The following NRXN3 variants were observed in gnomAD, a reference collection of about 807,000 sequenced individuals.
NRXN3 encodes the protein neurexin 3, also known as neurexin III.
A neutral mutation model predicts 137.6 loss-of-function variants in NRXN3; 32 were observed. The observed-to-expected ratio is 0.23, with a 90% CI of 0.18 to 0.31. The LOEUF (loss-of-function observed/expected upper bound fraction) is 0.31, where lower values mean the gene tolerates loss of function less well. Among genes scored for constraint, NRXN3 ranks in the 10% least tolerant of loss-of-function variants. NRXN3 has a pLI of 1.00. For missense variants in NRXN3, 1,574 were observed against 2,062.5 expected (o/e 0.76, Z 4.59); for synonymous variants, 798 against 784.5 (o/e 1.02, Z -0.29).
At chr14:79,193,078 T>A (rs951942625) in intron 15 of NRXN3, among the ~76,000 whole-genome samples, 3 of 152,038 alleles carry the variant, frequency 2.0e-5, no homozygotes, top group African/African-American at 7.2e-5. Context: ...TATGTACAAT[T>A]CTTAAAATAA....
chr14:78,436,272 A>G (rs374008581), intron 4 of NRXN3, among the ~76,000 whole-genome samples: 5 of 152,340 alleles, frequency 3.3e-5, no homozygotes, highest in African/African-American at 1.2e-4. Context: ...ATTAGTAATG[A>G]TGCCAACCGC....
intron 15 of NRXN3, among the ~76,000 whole-genome samples, chr14:79,328,070 G>T (rs2091160413): frequency 6.6e-6 from 1 of 152,088 alleles, no homozygotes; most frequent in Non-Finnish European, 1.5e-5. Context: ...CTACCATGGT[G>T]CACATTTACC....
intron 16 of NRXN3, among the ~76,000 whole-genome samples, chr14:79,624,800 T>G (rs1437341182): frequency 1.1e-4 from 14 of 132,822 alleles, no homozygotes; most frequent in East Asian, 2.1e-4. Context: ...CGTTTTTTTT[T>G]TTGTTTGTTT....
intron 4 of NRXN3, among the ~76,000 whole-genome samples, chr14:78,494,959 T>G (rs187729934): frequency 6.6e-6 from 1 of 152,172 alleles, no homozygotes; most frequent in Admixed American, 6.5e-5. Context: ...AGTAACTCAC[T>G]CTGAAGAAAA....
intron 15 of NRXN3, among the ~76,000 whole-genome samples, chr14:79,203,922 G>T (rs1444420281): frequency 2.6e-5 from 4 of 152,106 alleles, no homozygotes; most frequent in Admixed American, 6.6e-5. Context: ...GAGAGAAAAA[G>T]CTCTGGTTTG....
At chr14:78,387,153 G>A (rs968892728) in intron 4 of NRXN3, among the ~76,000 whole-genome samples, 2 of 152,030 alleles carry the variant, frequency 1.3e-5, no homozygotes, top group African/African-American at 4.8e-5. Context: ...AGTACTTTAT[G>A]TATAACAAAT....
rs570146556 is a variant in NRXN3, at chr14:79,436,792, G to A, written c.3263-30429G>A. ...AATCATTGCTGTTCATTACTAATTG[G>A]ATTAAGTCCTCTCTGTTCCACCAAC... is the stretch of plus-strand genomic sequence containing the variant. On this transcript the variant is annotated intron_variant, in intron 15 of 20. Coordinates refer to ENST00000335750, the MANE Select transcript of NRXN3 (RefSeq NM_001330195.2). Among the ~76,000 whole-genome samples, 79 of 152,210 alleles carry A rather than the reference G, an allele frequency of 5.2e-4. 1 individual carries two copies. In the South Asian group the frequency reaches 0.014, roughly 27 times the overall value.
At chr14:79,676,375 T>G (rs2154005814) in intron 17 of NRXN3, among the ~76,000 whole-genome samples, 1 of 152,146 alleles carries the variant, frequency 6.6e-6, no homozygotes, top group East Asian at 1.9e-4. Flanking sequence ...TACCCACCAT[T>G]TTACTTTCTC....
chr14:78,737,955 C>T (rs1280789700), intron 8 of NRXN3, among the ~76,000 whole-genome samples: 1 of 152,124 alleles, frequency 6.6e-6, no homozygotes, highest in Non-Finnish European at 1.5e-5. Flanking sequence ...TGGGAGGTAA[C>T]ATCTTGTACA....
At chr14:79,454,024 T>C (rs1180829737) in intron 15 of NRXN3, among the ~76,000 whole-genome samples, 1 of 152,156 alleles carries the variant, frequency 6.6e-6, no homozygotes, top group Non-Finnish European at 1.5e-5. Context: ...TTCCCACTGA[T>C]CAATGTAGTC....
chr14:79,202,279 T>C (rs2066148830), intron 15 of NRXN3, among the ~76,000 whole-genome samples: 1 of 152,088 alleles, frequency 6.6e-6, no homozygotes, highest in Admixed American at 6.5e-5. Context: ...ATTGCTCTCA[T>C]ATTGTCTTTG....
At chr14:79,547,813 G>C (rs1019992707) in intron 16 of NRXN3, among the ~76,000 whole-genome samples, 10 of 152,162 alleles carry the variant, frequency 6.6e-5, no homozygotes, top group African/African-American at 2.4e-4. Context: ...ACATGCCTTC[G>C]AGAACTAATT....
chr14:78,947,257 A>G (rs570290471), intron 10 of NRXN3, among the ~76,000 whole-genome samples: 37 of 152,334 alleles, frequency 2.4e-4, no homozygotes, highest in African/African-American at 8.4e-4. Context: ...TGTAATTACC[A>G]TGCCAAAGAG....
At chr14:78,292,433 C>T (rs949922592) in intron 3 of NRXN3, among the ~76,000 whole-genome samples, 4 of 152,052 alleles carry the variant, frequency 2.6e-5, no homozygotes, top group South Asian at 2.1e-4. Flanking sequence ...AGAACCTGTG[C>T]GCCACAGATA....
intron 2 of NRXN3, among the ~76,000 whole-genome samples, chr14:78,271,199 G>A (rs535554099): frequency 2.6e-5 from 4 of 152,220 alleles, no homozygotes; most frequent in South Asian, 4.2e-4. Context: ...CCTCTATTAC[G>A]TGTCACTGAT....
chr14:78,377,175 C>T (rs2088026905), intron 4 of NRXN3, among the ~76,000 whole-genome samples: 2 of 152,150 alleles, frequency 1.3e-5, no homozygotes, highest in South Asian at 2.1e-4. Flanking sequence ...ATGAGAAATA[C>T]ACTTTCGATA....
intron 16 of NRXN3, among the ~76,000 whole-genome samples, chr14:79,556,980 A>G (rs144701450): frequency 1.3e-5 from 2 of 152,068 alleles, no homozygotes; most frequent in Non-Finnish European, 2.9e-5. Flanking sequence ...TGGTTCATGG[A>G]ACTCATTATA....
intron 19 of NRXN3, among the ~76,000 whole-genome samples, chr14:79,755,027 A>AT (rs1239328083): frequency 1.3e-5 from 2 of 152,092 alleles, no homozygotes; most frequent in Non-Finnish European, 2.9e-5. Context: ...TCCTTTATAA[A>AT]TTACTCAGTC....
chr14:78,329,450 C>T (rs1389685637), intron 4 of NRXN3, among the ~76,000 whole-genome samples: 3 of 152,068 alleles, frequency 2.0e-5, no homozygotes, highest in Admixed American at 6.5e-5. Context: ...TCACAGAGTA[C>T]CTTGTTTTGG....
Sources: allele counts gnomAD v4.1 joint callset (sites outside exome capture counted in the v4.1 genomes callset), GRCh38; gene constraint gnomAD v4.1.1; transcripts MANE v1.5; gene names NCBI Gene and HGNC (gene_info 2026-07-23, HGNC 2026-07-21).